Variants in PHLDB2 observed in about 807,000 individuals in gnomAD.
PHLDB2 encodes the protein pleckstrin homology like domain family B member 2.
PHLDB2 carries 71 observed loss-of-function variants against 123.6 expected under a neutral mutation model. That is an observed-to-expected ratio of 0.57 (90% CI 0.47 to 0.70). PHLDB2 has a LOEUF of 0.70. Among genes scored for constraint, PHLDB2 ranks in the 30% least tolerant of loss-of-function variants. The probability of loss-of-function intolerance (pLI) is 0.00; values close to 1 mark genes in which losing one functional copy is unlikely to be tolerated. For missense variants in PHLDB2, 1,446 were observed against 1,519.5 expected, an observed-to-expected ratio of 0.95 and a Z score of 0.80; for synonymous variants, 547 against 541.6, an observed-to-expected ratio of 1.01 and a Z score of -0.14.
At chr3:111,911,768 C>A (rs1359566991) in intron 2 of PHLDB2, 10 of 1,488,332 alleles carry the variant, frequency 6.7e-6, no homozygotes, top group African/African-American at 2.8e-5. Flanking sequence ...TTTGATCAAG[C>A]TATTGCTCTT....
intron 1 of PHLDB2, among the ~76,000 whole-genome samples, chr3:111,791,520 A>G (rs1196968478): frequency 1.3e-5 from 2 of 152,366 alleles, no homozygotes; most frequent in African/African-American, 4.8e-5. Context: ...GAGATAATGC[A>G]AAACTGTTTT....
rs898449825 is a variant in PHLDB2, at chr3:111,884,473, T to C, written c.396T>C (p.Thr132=). Residue 132 remains threonine, a synonymous_variant, in exon 2 of 18, where the codon ACT becomes ACC. Coordinates refer to ENST00000431670, the MANE Select transcript of PHLDB2 (RefSeq NM_001134438.2). ...PLGRADFDHY[T]GRDSERALRL... is the part of the protein sequence containing the mutation. Reference sequence around the variant, plus strand: ...GAAGAGCAGACTTTGATCATTATACTGGCCGGGACAGTGAAAGGGCCTTGA... The same window carrying C: ...GAAGAGCAGACTTTGATCATTATACCGGCCGGGACAGTGAAAGGGCCTTGA... 5.0e-6 allele frequency: 8 copies of C among 1,614,088 alleles called. No individual in the cohort carries two copies. The African/African-American group carries it at 9.3e-5, about 19-fold the overall frequency.
At chr3:111,901,325 A>C (rs1331675092) in intron 2 of PHLDB2, among the ~76,000 whole-genome samples, 2 of 150,818 alleles carry the variant, frequency 1.3e-5, no homozygotes, top group East Asian at 3.9e-4. Context: ...GCACCATTGC[A>C]CTCCAGTCTG....
intron 5 of PHLDB2, among the ~76,000 whole-genome samples, chr3:111,925,893 T>C (rs749056926): frequency 2.6e-5 from 4 of 152,262 alleles, no homozygotes; most frequent in African/African-American, 4.8e-5. Context: ...TTATCTGTTT[T>C]ATCTGTGCTT....
At chr3:111,842,360 C>T (rs1433623451) in intron 1 of PHLDB2, among the ~76,000 whole-genome samples, 3 of 152,152 alleles carry the variant, frequency 2.0e-5, no homozygotes, top group Non-Finnish European at 4.4e-5. Context: ...GGCCTTTCCC[C>T]TTATTAACAT....
intron 1 of PHLDB2, among the ~76,000 whole-genome samples, chr3:111,787,008 A>C (rs1156890339): frequency 6.6e-6 from 1 of 152,178 alleles, no homozygotes; most frequent in African/African-American, 2.4e-5. Flanking sequence ...CTTATTTTGC[A>C]TGGGGCGCAA....
chr3:111,796,300 A>G (rs116531814), intron 1 of PHLDB2, among the ~76,000 whole-genome samples: 2,386 of 152,328 alleles, frequency 0.016, 66 homozygotes, highest in African/African-American at 0.054. Flanking sequence ...AGAAACAAAC[A>G]AAATACCAGA....
chr3:111,783,316 A>G (rs2060553926), intron 1 of PHLDB2, among the ~76,000 whole-genome samples: 1 of 152,144 alleles, frequency 6.6e-6, no homozygotes, highest in African/African-American at 2.4e-5. Context: ...GGGTAGCCTC[A>G]ACTGGCAATT....
intron 1 of PHLDB2, among the ~76,000 whole-genome samples, chr3:111,829,421 G>T (rs1576773791): frequency 7.3e-6 from 1 of 137,370 alleles, no homozygotes; most frequent in Non-Finnish European, 1.6e-5. Flanking sequence ...AAAAAAAAAA[G>T]TCCTAACATC....
chr3:111,921,091 A>G (rs1004966110), intron 5 of PHLDB2, among the ~76,000 whole-genome samples: 1 of 152,236 alleles, frequency 6.6e-6, no homozygotes, highest in East Asian at 1.9e-4. Context: ...GATATCTATT[A>G]GGGAAAGTAT....
At chr3:111,862,837 T>C (rs968482534) in intron 1 of PHLDB2, among the ~76,000 whole-genome samples, 2 of 152,140 alleles carry the variant, frequency 1.3e-5, no homozygotes, top group African/African-American at 4.8e-5. Context: ...CAAGGGAGCC[T>C]CAGAGATCAC....
At chr3:111,753,595 A>G (rs28778621) in intron 1 of PHLDB2, among the ~76,000 whole-genome samples, 190 of 150,154 alleles carry the variant, frequency 1.3e-3, no homozygotes, top group African/African-American at 4.5e-3. Context: ...CCCATTTTGT[A>G]GGTTGCCTGT....
intron 1 of PHLDB2, among the ~76,000 whole-genome samples, chr3:111,834,239 AATAGAATT>A (rs572080171): frequency 1.2e-5 from 1 of 84,942 alleles, no homozygotes; most frequent in African/African-American, 3.8e-5. Context: ...TTATGTATAT[AATAGAATT>A]ATATATATAA....
intron 1 of PHLDB2, among the ~76,000 whole-genome samples, chr3:111,801,115 C>G (rs769985855): frequency 1.3e-5 from 2 of 152,152 alleles, no homozygotes; most frequent in Non-Finnish European, 2.9e-5. Context: ...AGAGTAGACA[C>G]TTAATAAATA....
Position 111,885,348 on chromosome 3 carries a change from A to G in PHLDB2, c.1271A>G (p.Asp424Gly). ...SSISSISGRD[D>G]LMDYHRRQRE... ...ATTAGCTCCATTTCAGGACGTGATG[A>G]CCTGATGGATTATCACCGGCGGCAG... Residue 424 changes from aspartate (D) to glycine (G), a missense_variant, in exon 2 of 18, where the codon GAC becomes GGC. Around this residue, in one of 3 missense-constraint regions of PHLDB2, gnomAD observed 832 missense variants for 831.9 expected, o/e 1.00. Coordinates refer to ENST00000431670, the MANE Select transcript of PHLDB2 (RefSeq NM_001134438.2). 1 of 1,614,128 alleles carries G rather than the reference A, an allele frequency of 6.2e-7. No individual in the cohort carries two copies. Among genetic ancestry groups the G allele is most frequent in the Non-Finnish European group, 8.5e-7 (1 of 1,180,006 alleles).
chr3:111,859,068 G>A (rs78062011), upstream of PHLDB2: 10,700 of 566,124 alleles, frequency 0.019, 123 homozygotes, highest in Admixed American at 0.029. Context: ...AGCTCAGGCC[G>A]TTCTCCAAGG....
intron 1 of PHLDB2, among the ~76,000 whole-genome samples, chr3:111,734,542 A>T (rs1941620344): frequency 6.6e-6 from 1 of 152,208 alleles, no homozygotes; most frequent in Non-Finnish European, 1.5e-5. Flanking sequence ...CCTAAAACAA[A>T]CTGGAAGCCC....
intron 1 of PHLDB2, among the ~76,000 whole-genome samples, chr3:111,775,654 A>T (rs1477510035): frequency 6.6e-6 from 1 of 152,210 alleles, no homozygotes; most frequent in Non-Finnish European, 1.5e-5. Flanking sequence ...GGTTAAATAT[A>T]AAAGAAACTA....
At chr3:111,830,832 A>G (rs1316321419) in intron 1 of PHLDB2, among the ~76,000 whole-genome samples, 2 of 139,786 alleles carry the variant, frequency 1.4e-5, no homozygotes, top group Non-Finnish European at 3.1e-5. Context: ...AAAAAAAAAA[A>G]GGCAGCACAT....
Sources: allele counts gnomAD v4.1 joint callset (sites outside exome capture counted in the v4.1 genomes callset), GRCh38; gene constraint gnomAD v4.1.1; regional missense constraint gnomAD v4.1.1; transcripts MANE v1.5; gene names NCBI Gene and HGNC (gene_info 2026-07-23, HGNC 2026-07-21).